Variants in SIPA1L2 observed in about 807,000 individuals in gnomAD.
SIPA1L2 encodes the protein signal-induced proliferation-associated 1-like protein 2.
In SIPA1L2, 56 loss-of-function variants were observed where a neutral mutation model predicts 163.9. The observed-to-expected ratio is 0.34, with a 90% CI of 0.28 to 0.43. The LOEUF is 0.43. Ranked by LOEUF, SIPA1L2 falls within the 20% of genes least tolerant of loss-of-function variation. The pLI, the probability that SIPA1L2 is intolerant of heterozygous loss-of-function variation, is 1.00. For missense variants in SIPA1L2, 1,974 were observed against 2,193.5 expected, an observed-to-expected ratio of 0.90 and a Z score of 2.00; for synonymous variants, 877 against 865.7, an observed-to-expected ratio of 1.01 and a Z score of -0.23.
chr1:232,597,505 G>A lies in SIPA1L2; in HGVS notation c.-318-23283C>T, dbSNP rs1180156242. Reference sequence around the variant, plus strand: ...ATCCTGGCTAACACGGTGAAACCCCGTCTCTACTAAAAAATACCAAAAAAA... The same window carrying A: ...ATCCTGGCTAACACGGTGAAACCCCATCTCTACTAAAAAATACCAAAAAAA... On this transcript the variant is annotated intron_variant, in intron 1 of 22. Transcript: ENST00000674635. Among the ~76,000 whole-genome samples the A allele has an allele frequency of 2.3e-4, 34 of 147,712 alleles. No individual in the cohort carries two copies. In the South Asian group the frequency reaches 3.0e-3, roughly 13 times the overall value.
In SIPA1L2 at chr1:232,526,944, G is replaced by A. The variant is rs180783362; in HGVS notation, c.-269-11336C>T. On this transcript the variant is annotated intron_variant, in intron 2 of 22. Transcript: ENST00000674635. ...CCTCTTCTGAGGGGGCCTCCCCAAA[G>A]CTTCCCATACCGCCGTCTTCTTGGG... 2.7e-4 allele frequency among the ~76,000 whole-genome samples: 41 copies of A among 152,298 alleles called. No individual in the cohort carries two copies. The East Asian group carries it at 5.4e-3, about 20-fold the overall frequency.
Position 232,399,012 on chromosome 1 carries a change from A to G in SIPA1L2, c.*115T>C. ...GCTGTGGTGAATGGTGCTACACAGAATGGAACAGCAAAAACATCTACGATT... is the reference window on the plus strand; with the variant it reads ...GCTGTGGTGAATGGTGCTACACAGAGTGGAACAGCAAAAACATCTACGATT... On this transcript the variant is annotated 3_prime_UTR_variant, in exon 23 of 23. Coordinates refer to ENST00000674635, the MANE Select transcript of SIPA1L2 (RefSeq NM_020808.5). 1 of 1,438,408 alleles carries G rather than the reference A, an allele frequency of 7.0e-7. No homozygotes were observed. The highest frequency in any genetic ancestry group is 9.5e-7 in the Non-Finnish European group (1 of 1,057,510). The allele number at this position is 1,438,408 out of a possible 1,614,324, so 89.1% of individuals were successfully genotyped here.
At chr1:232,500,084 T>C (rs551329273) in intron 3 of SIPA1L2, among the ~76,000 whole-genome samples, 1 of 152,306 alleles carries the variant, frequency 6.6e-6, no homozygotes, top group Admixed American at 6.5e-5. Flanking sequence ...CTGACGCCAT[T>C]CTCCTGCCTC....
At chr1:232,458,199 A>G (rs186373760) in intron 10 of SIPA1L2, among the ~76,000 whole-genome samples, 2 of 152,320 alleles carry the variant, frequency 1.3e-5, no homozygotes, top group Non-Finnish European at 1.5e-5. Flanking sequence ...AATGACATTA[A>G]TGAGACTCCT....
intron 19 of SIPA1L2, among the ~76,000 whole-genome samples, chr1:232,409,708 A>G (rs1558152891): frequency 2.0e-5 from 3 of 152,122 alleles, no homozygotes; most frequent in Non-Finnish European, 4.4e-5. Flanking sequence ...CAGGTGAGTG[A>G]AATCTCCTTA....
chr1:232,519,881 A>T (rs968437529), intron 2 of SIPA1L2, among the ~76,000 whole-genome samples: 4 of 152,206 alleles, frequency 2.6e-5, no homozygotes, highest in African/African-American at 7.2e-5. Context: ...ATGGACTCAT[A>T]CTTCTAAGCT....
intron 5 of SIPA1L2, among the ~76,000 whole-genome samples, chr1:232,487,956 GCA>G (rs964250714): frequency 1.6e-5 from 2 of 126,126 alleles, no homozygotes; most frequent in African/African-American, 6.7e-5. Flanking sequence ...ACACACACAC[GCA>G]CACATATTTT....
At chr1:232,558,349 G>A (rs1302430004) in intron 2 of SIPA1L2, among the ~76,000 whole-genome samples, 1 of 152,162 alleles carries the variant, frequency 6.6e-6, no homozygotes, top group Non-Finnish European at 1.5e-5. Flanking sequence ...GGCAGTCCTT[G>A]TCTGAAGCCA....
intron 1 of SIPA1L2, among the ~76,000 whole-genome samples, chr1:232,608,394 T>C (rs1662077237): frequency 1.3e-5 from 2 of 152,194 alleles, no homozygotes; most frequent in Admixed American, 1.3e-4. Flanking sequence ...CTTTTAGGGA[T>C]AGCTTCTCAC....
chr1:232,574,564 A>G (rs1476067490), intron 1 of SIPA1L2, among the ~76,000 whole-genome samples: 7 of 152,224 alleles, frequency 4.6e-5, no homozygotes, highest in Admixed American at 4.6e-4. Flanking sequence ...TTATTTTCAT[A>G]AAATGCTATT....
At chr1:232,629,148 G>A (rs1470860705) in intron 1 of SIPA1L2, among the ~76,000 whole-genome samples, 2 of 152,006 alleles carry the variant, frequency 1.3e-5, no homozygotes, top group Non-Finnish European at 2.9e-5. Flanking sequence ...GTAATGCCAA[G>A]TTGTTCTCTC....
At chr1:232,448,243 G>C (rs1663331943) in intron 10 of SIPA1L2, among the ~76,000 whole-genome samples, 1 of 152,230 alleles carries the variant, frequency 6.6e-6, no homozygotes, top group Non-Finnish European at 1.5e-5. Flanking sequence ...AGCCTGCGAA[G>C]CTAATTGGTG....
intron 10 of SIPA1L2, among the ~76,000 whole-genome samples, chr1:232,446,659 G>T (rs1663234551): frequency 6.6e-6 from 1 of 152,216 alleles, no homozygotes; most frequent in African/African-American, 2.4e-5. Context: ...TCAACATATG[G>T]GAGTTGGTGG....
intron 9 of SIPA1L2, among the ~76,000 whole-genome samples, chr1:232,463,519 T>C (rs1664346889): frequency 6.6e-6 from 1 of 152,212 alleles, no homozygotes; most frequent in African/African-American, 2.4e-5. Flanking sequence ...TTGGTCACAC[T>C]GACAATACAC....
intron 2 of SIPA1L2, among the ~76,000 whole-genome samples, chr1:232,568,118 G>C (rs1343891967): frequency 1.3e-5 from 2 of 152,256 alleles, no homozygotes; most frequent in African/African-American, 4.8e-5. Flanking sequence ...GTATATCTAA[G>C]AGCTTCCCTG....
At position 232,550,535 on chromosome 1, in the gene SIPA1L2, G is replaced by A. The variant is rs77385691; in HGVS notation, c.-270+23639C>T. 6.2e-4 allele frequency among the ~76,000 whole-genome samples: 94 copies of A among 152,106 alleles called. 1 individual carries two copies. In the East Asian group the frequency reaches 0.016, roughly 25 times the overall value. On this transcript the variant is annotated intron_variant, in intron 2 of 22. Transcript: ENST00000674635. ...CAGTTAAACACCATTACACAAATCAGAAGAACATTTGGAAAAACAGCTGAT... is the reference window on the plus strand; with the variant it reads ...CAGTTAAACACCATTACACAAATCAAAAGAACATTTGGAAAAACAGCTGAT...
intron 21 of SIPA1L2, among the ~76,000 whole-genome samples, chr1:232,402,922 G>C (rs1660429801): frequency 6.6e-6 from 1 of 152,190 alleles, no homozygotes; most frequent in Non-Finnish European, 1.5e-5. Context: ...GGATGACAGA[G>C]GTAAAGAATA....
intron 4 of SIPA1L2, 127 bp downstream of exon 4, chr1:232,493,400 C>A (rs745557701): frequency 1.9e-5 from 24 of 1,247,994 alleles, no homozygotes; most frequent in Non-Finnish European, 2.6e-5. Flanking sequence ...TTTTAATTAT[C>A]TTAAATGTTG....
At chr1:232,411,198 T>C (rs1376665381) in intron 19 of SIPA1L2, among the ~76,000 whole-genome samples, 9 of 152,184 alleles carry the variant, frequency 5.9e-5, no homozygotes. Context: ...GAAACCAAGT[T>C]CTTTAGTAAG....
Sources: allele counts gnomAD v4.1 joint callset (sites outside exome capture counted in the v4.1 genomes callset), GRCh38; gene constraint gnomAD v4.1.1; transcripts MANE v1.5; gene names NCBI Gene and HGNC (gene_info 2026-07-23, HGNC 2026-07-21).